CD79A: variants seen among roughly 807,000 people sequenced by gnomAD.
CD79A encodes B-cell antigen receptor complex-associated protein alpha chain.
A neutral mutation model predicts 27.4 loss-of-function variants in CD79A; 16 were observed. That is an observed-to-expected ratio of 0.58 (90% CI 0.40 to 0.89). CD79A has a LOEUF of 0.89. Among genes scored for constraint, CD79A ranks in the 40% least tolerant of loss-of-function variants. CD79A has a pLI of 0.00. For synonymous variants in CD79A, 110 were observed against 132.7 expected (o/e 0.83, Z 1.18); for missense variants, 237 against 299.7 (o/e 0.79, Z 1.55).
At chr19:41,880,456 G>GGAAGGAA (rs1262676466) in intron 3 of CD79A, among the ~76,000 whole-genome samples, 1 of 39,160 alleles carries the variant, frequency 2.6e-5, no homozygotes, top group African/African-American at 1.0e-4. Flanking sequence ...GGGAAGGGAA[G>GGAAGGAA]GAAGGAAGGA....
Position 41,879,143 on chromosome 19 carries a change from CT to C in CD79A, c.234del (p.Glu79SerfsTer13). ...RVLHGNYTWP[P>X]EFLGPGEDPN... is the part of the protein sequence containing the mutation. ...CTCCATGGCAACTACACGTGGCCCCCTGAGTTCTTGGGCCCGGGCGAGGACC... is the reference window on the plus strand; with the variant it reads ...CTCCATGGCAACTACACGTGGCCCCCGAGTTCTTGGGCCCGGGCGAGGACC... On this transcript the variant is annotated frameshift_variant, in exon 2 of 5. Coordinates refer to ENST00000221972, the MANE Select transcript of CD79A (RefSeq NM_001783.4). LOFTEE classifies it high-confidence loss of function. The surrounding 1 kb of genome is among the most constrained non-coding windows in gnomAD (Gnocchi z 5.1). 1 of 1,614,118 alleles carries C rather than the reference CT, an allele frequency of 6.2e-7. No homozygotes were observed. Among genetic ancestry groups the C allele is most frequent in the Non-Finnish European group, 8.5e-7 (1 of 1,180,012 alleles).
intron 3 of CD79A, 25 bp from the exon 4 acceptor site, chr19:41,880,645 G>GCGGGGGGGCCC: frequency 8.8e-7 from 1 of 1,134,300 alleles, no homozygotes; most frequent in Non-Finnish European, 1.3e-6. Context: ...GCTCACTGAG[G>GCGGGGGGGCCC]CACCCACCCC....
chr19:41,880,595 CT>C (rs1555844032), intron 3 of CD79A, 74 bp from the exon 4 acceptor site: 1 of 1,133,882 alleles, frequency 8.8e-7, no homozygotes, highest in African/African-American at 1.5e-5. Context: ...AAAGTACTTC[CT>C]GGCATCCAGG....
chr19:41,880,468 GGA>G (rs2074216372), intron 3 of CD79A, among the ~76,000 whole-genome samples, 200 bp from the exon 4 acceptor site: 1 of 145,116 alleles, frequency 6.9e-6, no homozygotes, highest in Non-Finnish European at 1.5e-5. Context: ...AAGGAAGGAA[GGA>G]AGGAAGGAAG....
intron 3 of CD79A, among the ~76,000 whole-genome samples, chr19:41,880,455 A>AGGAAGGAAGGAAGGAAGGAG (rs2074215855): frequency 2.0e-5 from 1 of 50,128 alleles, no homozygotes. Context: ...AGGGAAGGGA[A>AGGAAGGAAGGAAGGAAGGAG]GGAAGGAAGG....
intron 3 of CD79A, among the ~76,000 whole-genome samples, chr19:41,880,113 CAAG>C (rs1457362636): frequency 5.9e-5 from 9 of 151,948 alleles, no homozygotes; most frequent in Admixed American, 5.9e-4. Flanking sequence ...AGTGGAGACT[CAAG>C]AAGACGCTAG....
intron 3 of CD79A, among the ~76,000 whole-genome samples, chr19:41,880,233 T>C (rs2074213245): frequency 6.6e-6 from 1 of 151,730 alleles, no homozygotes; most frequent in Non-Finnish European, 1.5e-5. Flanking sequence ...AAAAAAAAAT[T>C]AGCCAGGCAT....
chr19:41,879,385 GT>G lies in CD79A; in HGVS notation c.379+99del. On this transcript the variant is annotated intron_variant, in intron 2 of 4. Transcript: ENST00000221972. This position sits in a 1 kb window ranked among gnomAD's most constrained non-coding sequence, Gnocchi z 5.1. ...GATAGAGCCAGTACCTTCAATGTGG[GT>G]TTCAAACCGGCTTGGACAGAGGGAC... The G allele has an allele frequency of 7.5e-7, 1 of 1,333,264 alleles. No homozygotes were observed. The highest frequency in any genetic ancestry group is 2.5e-5 in the East Asian group (1 of 40,656). 82.6% of individuals were successfully genotyped at this position (1,333,264 alleles called of 1,614,324 possible).
Position 41,880,742 on chromosome 19 carries a change from AGTGAAGG to A in CD79A, c.567+8_567+14del. On this transcript the variant is annotated splice_donor_5th_base_variant and intron_variant, in intron 4 of 4. Transcript: ENST00000221972. ...TGAAGATGAAAACCTTTATGAAGTG[AGTGAAGG>A]GTGGGGATGGGGTAGGGGCAGTTGT... 2 of 1,216,828 alleles carry A rather than the reference AGTGAAGG, an allele frequency of 1.6e-6. No individual in the cohort carries two copies. The highest frequency in any genetic ancestry group is 2.2e-6 in the Non-Finnish European group (2 of 917,124). The allele number at this position is 1,216,828 out of a possible 1,614,324, so 75.4% of individuals were successfully genotyped here.
At chr19:41,880,424 C>T (rs1199594311) in intron 3 of CD79A, among the ~76,000 whole-genome samples, 21 of 86,612 alleles carry the variant, frequency 2.4e-4, no homozygotes, top group South Asian at 1.5e-3. Flanking sequence ...AGAGAGAGGG[C>T]GAGAGGGAGG....
Position 41,880,481 on chromosome 19 carries a change from G to GAAGT in CD79A, c.499-186_499-185insTAAG, listed in dbSNP as rs2074216671. ...GGAAGGAAGGAAGGAAGGAAGGAAG[G>GAAGT]AAGGAAGGAAGGAAGGAAGGAAGGA... On this transcript the variant is annotated intron_variant, in intron 3 of 4. Coordinates refer to ENST00000221972, the MANE Select transcript of CD79A (RefSeq NM_001783.4). Among the ~76,000 whole-genome samples, 684 of 149,652 alleles carry GAAGT rather than the reference G, an allele frequency of 4.6e-3. 3 individuals are homozygous for GAAGT. The highest frequency in any genetic ancestry group is 8.2e-3 in the Non-Finnish European group (554 of 67,390).
At position 41,879,302 on chromosome 19, in the gene CD79A, G is replaced by A. The variant is rs1555843602; in HGVS notation, c.379+13G>A. The A allele has an allele frequency of 1.9e-6, 3 of 1,609,688 alleles. No individual in the cohort carries two copies. In the South Asian group the frequency reaches 3.3e-5, roughly 18 times the overall value. On this transcript the variant is annotated intron_variant, in intron 2 of 4. Transcript: ENST00000221972. This position sits in a 1 kb window ranked among gnomAD's most constrained non-coding sequence, Gnocchi z 5.1. ...CTCCGCGTGCGCCGTGAGTGGCCCA[G>A]CCCTGGCCCCTACTCCCACTGTCCC...
Position 41,881,146 on chromosome 19 carries a change from C to T in CD79A, c.*166C>T, listed in dbSNP as rs1242335299. 1 of 674,544 alleles carries T rather than the reference C, an allele frequency of 1.5e-6. No individual in the cohort carries two copies. Among genetic ancestry groups the T allele is most frequent in the African/African-American group, 1.8e-5 (1 of 56,712 alleles). The allele number at this position is 674,544 out of a possible 1,614,324, so 41.8% of individuals were successfully genotyped here. A position where few individuals can be genotyped will look rare whatever the true frequency, so the allele number is the denominator to read the frequency against. On this transcript the variant is annotated 3_prime_UTR_variant, in exon 5 of 5. Coordinates refer to ENST00000221972, the MANE Select transcript of CD79A (RefSeq NM_001783.4). The stretch of plus-strand genomic sequence containing the variant: ...CCTCACTCTTCTCCAGGCCAGGCCT[C>T]CTTGGACTCCCCTGGGGGTGTCCCA...
Position 41,879,268 on chromosome 19 carries a change from G to A in CD79A, c.358G>A (p.Gly120Ser), listed in dbSNP as rs782282654. ...EGNESYQQSC[G>S]TYLRVRQPPP... Reference sequence around the variant, plus strand: ...CAACGAGTCATACCAGCAGTCCTGCGGCACCTACCTCCGCGTGCGCCGTGA... The same window carrying A: ...CAACGAGTCATACCAGCAGTCCTGCAGCACCTACCTCCGCGTGCGCCGTGA... The change falls in exon 2 of 5, where the codon GGC (glycine) becomes AGC (serine). Residue 120 changes from glycine (G) to serine (S), a missense_variant. Gly to Ser is a moderately conservative substitution (Grantham distance 56). Transcript: ENST00000221972. This position sits in a 1 kb window ranked among gnomAD's most constrained non-coding sequence, Gnocchi z 5.1. The A allele has an allele frequency of 5.0e-6, 8 of 1,612,950 alleles. No homozygotes were observed. Among genetic ancestry groups the A allele is most frequent in the African/African-American group, 1.3e-5 (1 of 74,890 alleles).
In CD79A at chr19:41,878,169, A is replaced by AC. The variant is rs769813155; in HGVS notation, c.79+790dup. ...TCACTCAGAGACACCCCCAGTCTCC[A>AC]CCCCGCTCTGAGCCCCTTCAATCAC... is the stretch of plus-strand genomic sequence containing the variant. On this transcript the variant is annotated intron_variant, in intron 1 of 4. Transcript: ENST00000221972. This position sits in a 1 kb window ranked among gnomAD's most constrained non-coding sequence, Gnocchi z 4.3. Among the ~76,000 whole-genome samples, 2 of 151,824 alleles carry AC rather than the reference A, an allele frequency of 1.3e-5. No homozygotes were observed. The highest frequency in any genetic ancestry group is 2.9e-5 in the Non-Finnish European group (2 of 67,944).
rs371184689 is a variant in CD79A, at chr19:41,877,332, G to A, written c.28G>A (p.Ala10Thr). The change falls in exon 1 of 5, where the codon GCT becomes ACT. Residue 10 changes from alanine (A) to threonine (T), a missense_variant. Transcript: ENST00000221972. This position sits in a 1 kb window ranked among gnomAD's most constrained non-coding sequence, Gnocchi z 4.1. ...GCCTGGGGGTCCAGGAGTCCTCCAAGCTCTGCCTGCCACCATCTTCCTCCT... is the reference window on the plus strand; with the variant it reads ...GCCTGGGGGTCCAGGAGTCCTCCAAACTCTGCCTGCCACCATCTTCCTCCT... MPGGPGVLQ[A>T]LPATIFLLFL... 498 of 1,614,190 alleles carry A rather than the reference G, an allele frequency of 3.1e-4. 6 individuals are homozygous for A. In the South Asian group the frequency reaches 5.1e-3, roughly 17 times the overall value.
chr19:41,879,219 A>C lies in CD79A; in HGVS notation c.309A>C (p.Ile103=), dbSNP rs113019286. 1.9e-6 allele frequency: 3 copies of C among 1,613,832 alleles called. No individual in the cohort carries two copies. The highest frequency in any genetic ancestry group is 1.6e-4 in the Middle Eastern group (1 of 6,062). ...ATGTGAACAAGAGCCATGGGGGCAT[A>C]TACGTGTGCCGGGTCCAGGAGGGCA... is the stretch of plus-strand genomic sequence containing the variant. ...IQNVNKSHGG[I]YVCRVQEGNE... The change falls in exon 2 of 5, where the codon ATA becomes ATC. Residue 103 remains isoleucine, a synonymous_variant. Transcript: ENST00000221972. The surrounding 1 kb of genome is among the most constrained non-coding windows in gnomAD (Gnocchi z 5.1).
rs1249407054 is a variant in CD79A, at chr19:41,879,467, T to C, written c.380-68T>C. The C allele has an allele frequency of 5.4e-6, 7 of 1,286,016 alleles. No individual in the cohort carries two copies. The highest frequency in any genetic ancestry group is 7.7e-6 in the Non-Finnish European group (7 of 909,380). The allele number at this position is 1,286,016 out of a possible 1,614,324, so 79.7% of individuals were successfully genotyped here. Reference sequence around the variant, plus strand: ...GGGGGGTCTGGGGCCTTGCAGGAGGTGGGCGGGGCCAGGAGGCTAGGGAGG... The same window carrying C: ...GGGGGGTCTGGGGCCTTGCAGGAGGCGGGCGGGGCCAGGAGGCTAGGGAGG... On this transcript the variant is annotated intron_variant, in intron 2 of 4. Coordinates refer to ENST00000221972, the MANE Select transcript of CD79A (RefSeq NM_001783.4). This position sits in a 1 kb window ranked among gnomAD's most constrained non-coding sequence, Gnocchi z 5.1.
At position 41,881,056 on chromosome 19, in the gene CD79A, T is replaced by G; in HGVS notation, c.*76T>G. On this transcript the variant is annotated 3_prime_UTR_variant, in exon 5 of 5. Transcript: ENST00000221972. Reference sequence around the variant, plus strand: ...TGTCTCAGCTCACTTCCCTGGGACATTCTCCTTTCAGCCCTTCTGGGGGCT... The same window carrying G: ...TGTCTCAGCTCACTTCCCTGGGACAGTCTCCTTTCAGCCCTTCTGGGGGCT... 1 of 904,238 alleles carries G rather than the reference T, an allele frequency of 1.1e-6. No homozygotes were observed. The highest frequency in any genetic ancestry group is 2.6e-5 in the East Asian group (1 of 38,146). 56.0% of individuals were successfully genotyped at this position (904,238 alleles called of 1,614,324 possible). A position where few individuals can be genotyped will look rare whatever the true frequency, so the allele number is the denominator to read the frequency against.
Sources: gnomAD v4.1 joint callset for allele counts (sites outside exome capture counted in the v4.1 genomes callset) on GRCh38, gnomAD v4.1.1 for gene constraint, Gnocchi (gnomAD v3.1) non-coding constraint, MANE v1.5 for transcripts, NCBI Gene and HGNC (gene_info 2026-07-23, HGNC 2026-07-21) for gene names.